Variants in CYRIB observed in about 807,000 individuals in gnomAD.
CYRIB encodes CYFIP-related Rac1 interactor B.
In CYRIB, 8 loss-of-function variants were observed where a neutral mutation model predicts 44.2. The observed-to-expected ratio is 0.18, with a 90% CI of 0.11 to 0.33. The LOEUF (loss-of-function observed/expected upper bound fraction) is 0.33. CYRIB is among the 10% of genes least tolerant of loss of function. CYRIB has a pLI of 1.00. For synonymous variants in CYRIB, 131 were observed against 127.2 expected (o/e 1.03, Z -0.20); for missense variants, 185 against 382.8 (o/e 0.48, Z 4.31).
At chr8:129,879,836 T>C (rs1424569312) in intron 2 of CYRIB, 4 of 183,502 alleles carry the variant, frequency 2.2e-5, no homozygotes, top group Non-Finnish European at 4.5e-5. Context: ...GTAGTACTGT[T>C]AGTATAGCAC....
intron 1 of CYRIB, among the ~76,000 whole-genome samples, chr8:129,939,135 G>A (rs2093334572): frequency 1.3e-5 from 2 of 152,146 alleles, no homozygotes; most frequent in South Asian, 2.1e-4. Flanking sequence ...GTCGAGGCGA[G>A]GCGAGGCGAA....
intron 1 of CYRIB, among the ~76,000 whole-genome samples, chr8:129,921,228 C>T (rs1294183751): frequency 6.6e-6 from 1 of 152,194 alleles, no homozygotes; most frequent in East Asian, 1.9e-4. Context: ...ACTGTTAATG[C>T]TTCTTTTCAG....
intron 1 of CYRIB, among the ~76,000 whole-genome samples, chr8:129,914,556 G>A (rs1156553147): frequency 1.3e-5 from 2 of 152,162 alleles, no homozygotes; most frequent in Non-Finnish European, 2.9e-5. Flanking sequence ...ACTCCACACT[G>A]TACAACAGGG....
chr8:130,012,194 A>G (rs895129728), intron 1 of CYRIB, among the ~76,000 whole-genome samples: 1 of 152,144 alleles, frequency 6.6e-6, no homozygotes, highest in Non-Finnish European at 1.5e-5. Context: ...TAAGTCCTCC[A>G]AAAGAAGGAA....
chr8:129,917,171 T>G (rs2081180614), intron 1 of CYRIB, among the ~76,000 whole-genome samples: 1 of 152,222 alleles, frequency 6.6e-6, no homozygotes, highest in Non-Finnish European at 1.5e-5. Flanking sequence ...CTGTTTAAGA[T>G]TTAAGCGCTG....
intron 1 of CYRIB, among the ~76,000 whole-genome samples, chr8:129,930,937 A>G (rs1251647309): frequency 3.3e-5 from 5 of 152,166 alleles, no homozygotes; most frequent in African/African-American, 1.2e-4. Flanking sequence ...TGACTTCTCC[A>G]TACTTTTGAA....
intron 4 of CYRIB, among the ~76,000 whole-genome samples, chr8:129,871,132 A>G (rs1033884902): frequency 1.3e-5 from 2 of 152,238 alleles, no homozygotes; most frequent in Admixed American, 1.3e-4. Context: ...AATTTCAGGT[A>G]TAAGAGCAAC....
chr8:129,945,267 T>C (rs1275132892), intron 2 of CYRIB, among the ~76,000 whole-genome samples: 1 of 152,244 alleles, frequency 6.6e-6, no homozygotes, highest in Non-Finnish European at 1.5e-5. Context: ...CATGTGTTCA[T>C]GTATTCACTC....
intron 1 of CYRIB, among the ~76,000 whole-genome samples, chr8:130,005,071 A>C (rs1008947882): frequency 6.6e-5 from 10 of 151,938 alleles, no homozygotes; most frequent in African/African-American, 2.2e-4. Flanking sequence ...CTGGCCAGGA[A>C]TTTTTTATTT....
At chr8:129,869,096 G>GA (rs1236719528) in intron 4 of CYRIB, among the ~76,000 whole-genome samples, 56 of 148,150 alleles carry the variant, frequency 3.8e-4, no homozygotes, top group African/African-American at 1.4e-3. Flanking sequence ...AAAGAAGAAA[G>GA]AAAAAAAGGC....
At position 129,904,511 on chromosome 8, in the gene CYRIB, G is replaced by A. The variant is rs758310247; in HGVS notation, c.-49-1161C>T. The A allele has an allele frequency of 1.3e-5, 2 of 152,234 alleles. No individual in the cohort carries two copies. The highest frequency in any genetic ancestry group is 2.4e-5 in the African/African-American group (1 of 41,536). The allele number at this position is 152,234 out of a possible 1,614,324, so 9.4% of individuals were successfully genotyped here. ...CTCAATAACGCACCCTTGGATTGGCGTTCCCTCTTTCCTAGTTCACTTGTT... is the reference window on the plus strand; with the variant it reads ...CTCAATAACGCACCCTTGGATTGGCATTCCCTCTTTCCTAGTTCACTTGTT... On this transcript the variant is annotated intron_variant, in intron 1 of 11. In the 5' UTR this introduces an upstream ATG that the reference lacks. Coordinates refer to ENST00000519824, the Ensembl canonical transcript of CYRIB.
chr8:129,886,793 G>C (rs2062945565), intron 2 of CYRIB, among the ~76,000 whole-genome samples: 1 of 152,008 alleles, frequency 6.6e-6, no homozygotes, highest in Non-Finnish European at 1.5e-5. Flanking sequence ...TTAAAGGGCA[G>C]CACGTCTCAC....
chr8:129,946,257 C>A (rs1277246339), intron 2 of CYRIB, among the ~76,000 whole-genome samples: 1 of 151,666 alleles, frequency 6.6e-6, no homozygotes, highest in Non-Finnish European at 1.5e-5. Flanking sequence ...TGCTGCCAGC[C>A]TTCACTCAAA....
At chr8:129,936,725 G>C (rs1201089632) in intron 1 of CYRIB, among the ~76,000 whole-genome samples, 1,220 of 48,062 alleles carry the variant, frequency 0.025, 14 homozygotes, top group African/African-American at 0.085. Flanking sequence ...TTTTTTTTTT[G>C]AGACGGAGTC....
At chr8:129,998,635 T>A (rs1274280956) in intron 1 of CYRIB, among the ~76,000 whole-genome samples, 1 of 151,240 alleles carries the variant, frequency 6.6e-6, no homozygotes, top group Non-Finnish European at 1.5e-5. Flanking sequence ...GAAACTCATC[T>A]CTTTTTTTTT....
In CYRIB at chr8:129,883,112, CAAAAAAAAAAAA is replaced by C. The variant is rs34764499; in HGVS notation, c.-10-3653_-10-3642del. Among the ~76,000 whole-genome samples the C allele has an allele frequency of 1.7e-3, 71 of 41,268 alleles. 2 individuals are homozygous for C. The South Asian group carries it at 0.055, about 32-fold the overall frequency. The allele number at this position is 41,268 out of a possible 152,430, so 27.1% of individuals were successfully genotyped here. ...TAGGCAACAGAGCTAGACTCCCTCTCAAAAAAAAAAAAAAAAAAAAAAAAAAAAGGAATTGGC... is the reference window on the plus strand; with the variant it reads ...TAGGCAACAGAGCTAGACTCCCTCTCAAAAAAAAAAAAAAAAGGAATTGGC... On this transcript the variant is annotated intron_variant, in intron 2 of 11. Transcript: ENST00000519824.
chr8:129,894,932 T>C (rs1349416671), intron 2 of CYRIB, among the ~76,000 whole-genome samples: 9 of 149,778 alleles, frequency 6.0e-5, no homozygotes, highest in Admixed American at 2.7e-4. Context: ...TATATATATT[T>C]TTTTAATTAA....
chr8:129,934,933 C>G (rs978156547), intron 1 of CYRIB, among the ~76,000 whole-genome samples: 13 of 152,236 alleles, frequency 8.5e-5, no homozygotes, highest in Admixed American at 7.9e-4. Context: ...TGAATGCACA[C>G]TTACGCATAG....
chr8:129,867,423 CTATT>C (rs2054327137), intron 4 of CYRIB, among the ~76,000 whole-genome samples: 1 of 150,134 alleles, frequency 6.7e-6, no homozygotes, highest in South Asian at 2.1e-4. Flanking sequence ...ACCAATTTGG[CTATT>C]TATTTTTTTA....
Sources: gnomAD v4.1 joint callset for allele counts (sites outside exome capture counted in the v4.1 genomes callset) on GRCh38, gnomAD v4.1.1 for gene constraint, MANE v1.5 for transcripts, NCBI Gene and HGNC (gene_info 2026-07-23, HGNC 2026-07-21) for gene names.